Variants in MAMLD1 observed in about 807,000 individuals in gnomAD.
MAMLD1 encodes mastermind-like domain-containing protein 1.
Under a neutral mutation model 45.0 loss-of-function variants are expected in MAMLD1, and 14 were observed. That is an observed-to-expected ratio of 0.31 (90% CI 0.21 to 0.49). MAMLD1 has a LOEUF of 0.49. MAMLD1 is among the 20% of genes least tolerant of loss of function. The probability of loss-of-function intolerance (pLI) is 0.99; values close to 1 mark genes in which losing one functional copy is unlikely to be tolerated. For synonymous variants in MAMLD1, 254 were observed against 247.8 expected (o/e 1.02, Z -0.24); for missense variants, 543 against 603.6 (o/e 0.90, Z 1.05).
chrX:150,401,842 T>A (rs1353262247), intron 1 of MAMLD1, among the ~76,000 whole-genome samples: 1 of 110,551 alleles, frequency 9.0e-6, no homozygotes, highest in Middle Eastern at 4.7e-3. Flanking sequence ...ATTTAATAAA[T>A]GGTGCTGGGA....
At chrX:150,421,354 G>C (rs1418367175) in intron 1 of MAMLD1, among the ~76,000 whole-genome samples, 1 of 112,527 alleles carries the variant, frequency 8.9e-6, no homozygotes, top group East Asian at 2.8e-4. Flanking sequence ...CTAGTGAGAT[G>C]AACCCGGTAC....
chrX:150,401,255 A>C (rs1277808425), intron 1 of MAMLD1, among the ~76,000 whole-genome samples: 39 of 108,461 alleles, frequency 3.6e-4, no homozygotes, highest in Non-Finnish European at 5.7e-4. Context: ...CAAAAATCAC[A>C]AGCATTCTTA....
chrX:150,436,772 T>C (rs1245977838), intron 1 of MAMLD1, among the ~76,000 whole-genome samples: 4 of 112,094 alleles, frequency 3.6e-5, no homozygotes, highest in Non-Finnish European at 7.5e-5. Context: ...TATGGGGAAG[T>C]AGTGTGGTCA....
chrX:150,462,623 C>T, intron 2 of MAMLD1, 149 bp from the exon 3 acceptor site: 8 of 513,781 alleles, frequency 1.6e-5, no homozygotes, highest in Middle Eastern at 5.2e-4. Flanking sequence ...TCAAGTAATC[C>T]CCTATTTAAA....
chrX:150,471,903 G>A (rs2036442007), intron 4 of MAMLD1, among the ~76,000 whole-genome samples: 4 of 112,559 alleles, frequency 3.6e-5, no homozygotes, highest in African/African-American at 1.3e-4. Context: ...CAAACACTGA[G>A]CCTTCTAGAA....
chrX:150,453,889 A>G (rs1466903621), intron 2 of MAMLD1, among the ~76,000 whole-genome samples: 3 of 111,492 alleles, frequency 2.7e-5, no homozygotes, highest in Non-Finnish European at 5.7e-5. Context: ...CTATCACATC[A>G]CTATTTTTTC....
intron 1 of MAMLD1, among the ~76,000 whole-genome samples, chrX:150,423,593 G>A (rs1264658299): frequency 1.9e-5 from 2 of 103,992 alleles, no homozygotes; most frequent in African/African-American, 3.5e-5. Flanking sequence ...TAGTGCCATA[G>A]TGCTTTCCAG....
At chrX:150,472,385 T>C (rs2036456634) in intron 4 of MAMLD1, among the ~76,000 whole-genome samples, 1 of 112,685 alleles carries the variant, frequency 8.9e-6, no homozygotes. Flanking sequence ...TTAGGAATCC[T>C]GGCATGGTTT....
intron 2 of MAMLD1, among the ~76,000 whole-genome samples, chrX:150,450,107 C>A (rs1382146768): frequency 1.8e-5 from 2 of 111,886 alleles, no homozygotes; most frequent in Non-Finnish European, 3.8e-5. Context: ...GCAGGCCAGG[C>A]ACTGTTCTCA....
intron 1 of MAMLD1, among the ~76,000 whole-genome samples, chrX:150,424,758 A>G (rs1233032475): frequency 8.9e-6 from 1 of 112,518 alleles, no homozygotes; most frequent in Non-Finnish European, 1.9e-5. Context: ...ATACCATTCA[A>G]TTAATCCATT....
chrX:150,380,014 T>A (rs1557401574), intron 1 of MAMLD1, among the ~76,000 whole-genome samples: 2 of 112,553 alleles, frequency 1.8e-5, no homozygotes, highest in African/African-American at 6.5e-5. Flanking sequence ...TTCATATTGT[T>A]AGAGGTATAT....
chrX:150,401,401 C>T (rs1295287364), intron 1 of MAMLD1, among the ~76,000 whole-genome samples: 1 of 101,819 alleles, frequency 9.8e-6, no homozygotes, highest in Non-Finnish European at 2.0e-5. Flanking sequence ...CTACAAACCA[C>T]TGCTCAAGGA....
intron 1 of MAMLD1, among the ~76,000 whole-genome samples, chrX:150,408,293 A>G (rs1476197979): frequency 9.0e-6 from 1 of 111,417 alleles, no homozygotes; most frequent in Non-Finnish European, 1.9e-5. Flanking sequence ...TCTGGGGAAA[A>G]TGAAACATCA....
intron 1 of MAMLD1, among the ~76,000 whole-genome samples, chrX:150,411,084 G>A (rs972103196): frequency 1.8e-5 from 2 of 111,595 alleles, no homozygotes; most frequent in Admixed American, 9.5e-5. Flanking sequence ...TAAAAAATTG[G>A]ACACCCCTGG....
At chrX:150,370,210 C>G (rs2031858231) in intron 1 of MAMLD1, among the ~76,000 whole-genome samples, 2 of 109,673 alleles carry the variant, frequency 1.8e-5, no homozygotes, top group South Asian at 8.0e-4. Flanking sequence ...CATCATACAC[C>G]TCTCACAACG....
chrX:150,403,547 G>A (rs1017866610), intron 1 of MAMLD1, among the ~76,000 whole-genome samples: 1 of 111,217 alleles, frequency 9.0e-6, no homozygotes, highest in Admixed American at 9.6e-5. Flanking sequence ...CAAATTTGTG[G>A]CCCTAAGGAG....
intron 1 of MAMLD1, among the ~76,000 whole-genome samples, chrX:150,411,557 C>T (rs919322095): frequency 8.9e-6 from 1 of 112,277 alleles, no homozygotes; most frequent in Non-Finnish European, 1.9e-5. Context: ...TGCACAATGC[C>T]TCTTGGCCTC....
rs782053076 is a variant in MAMLD1 at position 150,470,245 on chromosome X, G to A, written c.672G>A (p.Ser224=). Residue 224 remains serine (S), a synonymous_variant, in exon 4 of 8, where the codon TCG becomes TCA. Transcript: ENST00000370401. The part of the protein sequence containing the change: ...QATLSTTPKP[S]VQMSHLESLA... ...CCCTAAGCACAACTCCCAAGCCTTC[G>A]GTTCAGATGTCACACTTGGAGAGCC... The A allele has an allele frequency of 5.0e-6, 6 of 1,209,762 alleles. No homozygotes were observed. Among genetic ancestry groups the A allele is most frequent in the East Asian group, 3.0e-5 (1 of 33,758 alleles).
At chrX:150,434,317 G>A (rs782700029) in intron 1 of MAMLD1, among the ~76,000 whole-genome samples, 1 of 109,946 alleles carries the variant, frequency 9.1e-6, no homozygotes, top group African/African-American at 3.3e-5. Context: ...AATCTATCTA[G>A]TGGTCTATCT....
Sources: allele counts gnomAD v4.1 joint callset (sites outside exome capture counted in the v4.1 genomes callset), GRCh38; gene constraint gnomAD v4.1.1; transcripts MANE v1.5; gene names NCBI Gene and HGNC (gene_info 2026-07-23, HGNC 2026-07-21).